TRPC7: variants seen among roughly 807,000 people sequenced by gnomAD.
TRPC7 encodes the protein short transient receptor potential channel 7.
TRPC7 carries 42 observed loss-of-function variants against 90.1 expected under a neutral mutation model. That is an observed-to-expected ratio of 0.47 (90% CI 0.36 to 0.60). The LOEUF is 0.60. TRPC7 is among the 20% of genes least tolerant of loss of function. The probability of loss-of-function intolerance (pLI) is 0.00; values close to 1 mark genes in which losing one functional copy is unlikely to be tolerated. For synonymous variants in TRPC7, 451 were observed against 436.3 expected (o/e 1.03, Z -0.42); for missense variants, 955 against 1,112.3 (o/e 0.86, Z 2.01).
intron 4 of TRPC7, among the ~76,000 whole-genome samples, chr5:136,268,709 A>G (rs532075405): frequency 3.3e-5 from 5 of 152,360 alleles, no homozygotes; most frequent in South Asian, 2.1e-4. Context: ...ACTATAAACC[A>G]TAATAAAAAG....
intron 7 of TRPC7, among the ~76,000 whole-genome samples, chr5:136,241,731 C>G (rs1580853034): frequency 6.6e-6 from 1 of 151,966 alleles, no homozygotes; most frequent in African/African-American, 2.4e-5. Context: ...AATTTTTGTA[C>G]TTTTAGTAAA....
chr5:136,339,533 G>A (rs1439440133), intron 2 of TRPC7, among the ~76,000 whole-genome samples: 1 of 152,136 alleles, frequency 6.6e-6, no homozygotes, highest in Non-Finnish European at 1.5e-5. Context: ...TAAGACTAAT[G>A]TTTGAGATCT....
chr5:136,305,335 G>T (rs1003333491), intron 3 of TRPC7, among the ~76,000 whole-genome samples: 19 of 152,100 alleles, frequency 1.2e-4, no homozygotes, highest in Non-Finnish European at 2.5e-4. Flanking sequence ...ACCAGCAAAG[G>T]CAGGCTATGC....
At chr5:136,234,274 C>A (rs1436369481) in intron 7 of TRPC7, among the ~76,000 whole-genome samples, 1 of 152,060 alleles carries the variant, frequency 6.6e-6, no homozygotes, top group Non-Finnish European at 1.5e-5. Flanking sequence ...CCTGTCTAGG[C>A]AGGACGGGGT....
intron 3 of TRPC7, among the ~76,000 whole-genome samples, chr5:136,281,894 TATATC>T (rs1372595194): frequency 6.6e-6 from 1 of 152,186 alleles, no homozygotes; most frequent in Non-Finnish European, 1.5e-5. Flanking sequence ...ACAAACCACT[TATATC>T]ATGCATCAAA....
At chr5:136,359,423 C>T (rs961761449) in intron 1 of TRPC7, among the ~76,000 whole-genome samples, 10 of 152,172 alleles carry the variant, frequency 6.6e-5, no homozygotes, top group South Asian at 2.1e-4. Flanking sequence ...TTAGGAAGAG[C>T]GTCTGAACCA....
At chr5:136,271,918 A>G (rs1219849078) in intron 4 of TRPC7, among the ~76,000 whole-genome samples, 5 of 152,224 alleles carry the variant, frequency 3.3e-5, no homozygotes, top group Admixed American at 3.3e-4. Context: ...TTGATAATTC[A>G]ATAGGAAAGA....
At chr5:136,255,138 A>G (rs1379610013) in intron 5 of TRPC7, among the ~76,000 whole-genome samples, 1 of 152,236 alleles carries the variant, frequency 6.6e-6, no homozygotes, top group Non-Finnish European at 1.5e-5. Flanking sequence ...TGTTAAAATG[A>G]TGACAAAGGA....
intron 2 of TRPC7, among the ~76,000 whole-genome samples, chr5:136,342,285 C>T (rs1033768935): frequency 6.6e-6 from 1 of 152,180 alleles, no homozygotes; most frequent in Non-Finnish European, 1.5e-5. Flanking sequence ...GTTCACCAAG[C>T]CCATCCTGGA....
rs34461199 is a variant in TRPC7, at chr5:136,275,382, T to TA, written c.964-546dup. On this transcript the variant is annotated intron_variant, in intron 3 of 11. Coordinates refer to ENST00000513104, the MANE Select transcript of TRPC7 (RefSeq NM_020389.3). ...TGTCTTGGAGGATTAAATGACATTGTAAAAAAAAAAAAAATCCCCTCTCTT... is the reference window on the plus strand; with the variant it reads ...TGTCTTGGAGGATTAAATGACATTGTAAAAAAAAAAAAAAATCCCCTCTCTT... Among the ~76,000 whole-genome samples, 820 of 147,090 alleles carry TA rather than the reference T, an allele frequency of 5.6e-3. 7 individuals are homozygous for TA. The highest frequency in any genetic ancestry group is 0.016 in the African/African-American group (637 of 40,428).
intron 5 of TRPC7, among the ~76,000 whole-genome samples, chr5:136,254,122 A>G (rs1756613757): frequency 1.3e-5 from 2 of 152,254 alleles, no homozygotes; most frequent in Non-Finnish European, 2.9e-5. Context: ...GTTTGAGGAA[A>G]GAAGCCATCT....
chr5:136,300,450 C>T (rs1229741964), intron 3 of TRPC7, among the ~76,000 whole-genome samples: 2 of 152,358 alleles, frequency 1.3e-5, no homozygotes, highest in East Asian at 3.9e-4. Flanking sequence ...TACAGGGCCA[C>T]ACTGGAAGCT....
chr5:136,361,045 G>T (rs1179736578), intron 1 of TRPC7, among the ~76,000 whole-genome samples: 1 of 152,142 alleles, frequency 6.6e-6, no homozygotes, highest in Non-Finnish European at 1.5e-5. Context: ...GAAAGATAAA[G>T]TCACATGTCT....
intron 4 of TRPC7, among the ~76,000 whole-genome samples, chr5:136,268,027 T>G (rs976689478): frequency 1.3e-5 from 2 of 152,240 alleles, no homozygotes; most frequent in African/African-American, 4.8e-5. Context: ...GTGATAGAGA[T>G]AGAGATAAAA....
intron 1 of TRPC7, among the ~76,000 whole-genome samples, chr5:136,361,869 A>G (rs986113949): frequency 6.6e-5 from 10 of 152,116 alleles, no homozygotes; most frequent in African/African-American, 2.4e-4. Context: ...CTCCTAAACC[A>G]CAGTTCTCTT....
chr5:136,233,359 T>A (rs1755877475), intron 7 of TRPC7, among the ~76,000 whole-genome samples: 1 of 152,218 alleles, frequency 6.6e-6, no homozygotes, highest in Admixed American at 6.5e-5. Flanking sequence ...GAGAACTGTT[T>A]TCCTCATGTG....
intron 3 of TRPC7, among the ~76,000 whole-genome samples, chr5:136,279,594 C>T (rs1757478768): frequency 6.6e-6 from 1 of 152,174 alleles, no homozygotes; most frequent in Non-Finnish European, 1.5e-5. Context: ...CAGCTTCCAG[C>T]TCGCTCCAAA....
At chr5:136,293,932 C>G (rs907814768) in intron 3 of TRPC7, among the ~76,000 whole-genome samples, 17 of 152,066 alleles carry the variant, frequency 1.1e-4, no homozygotes, top group Admixed American at 7.9e-4. Context: ...GATACTAGTA[C>G]CAAAACAGAG....
intron 2 of TRPC7, among the ~76,000 whole-genome samples, chr5:136,355,801 A>T (rs1343575985): frequency 6.6e-6 from 1 of 152,314 alleles, no homozygotes; most frequent in Admixed American, 6.5e-5. Flanking sequence ...CTGCCTCAAA[A>T]AGGAAAAAAA....
Sources: allele counts gnomAD v4.1 joint callset (sites outside exome capture counted in the v4.1 genomes callset), GRCh38; gene constraint gnomAD v4.1.1; transcripts MANE v1.5; gene names NCBI Gene and HGNC (gene_info 2026-07-23, HGNC 2026-07-21).